Variants in SF3B3 observed in about 807,000 individuals in gnomAD.
The protein encoded by SF3B3 is splicing factor 3b subunit 3.
SF3B3 carries 33 observed loss-of-function variants against 139.2 expected under a neutral mutation model. That is an observed-to-expected ratio of 0.24 (90% CI 0.18 to 0.32). The LOEUF is 0.32. SF3B3 is among the 10% of genes least tolerant of loss of function. The pLI is 1.00. For synonymous variants in SF3B3, 596 were observed against 563.6 expected (o/e 1.06, Z -0.81); for missense variants, 818 against 1,509.4 (o/e 0.54, Z 7.59).
chr16:70,544,329 C>CA (rs1247572364), intron 9 of SF3B3, 109 bp from the exon 10 acceptor site: 1 of 682,900 alleles, frequency 1.5e-6, no homozygotes, highest in Non-Finnish European at 2.6e-6. Flanking sequence ...TATTGATCAG[C>CA]AGATAATTGT....
rs2050094499 is a variant in SF3B3, at chr16:70,529,023, C to T, written c.221C>T (p.Thr74Ile). 1 of 1,614,132 alleles carries T rather than the reference C, an allele frequency of 6.2e-7. No individual in the cohort carries two copies. ...ATGGCCTTTAGGCTGACAGGTGGCA[C>T]CAAAGACTACATTGTAGTTGGCAGT... ...SLMAFRLTGGTKDYIVVGSDS... is the reference protein window; with the variant it reads ...SLMAFRLTGGIKDYIVVGSDS... Residue 74 changes from threonine (T) to isoleucine (I), a missense_variant, in exon 3 of 26, where the codon ACC becomes ATC. Thr to Ile is a moderately conservative substitution (Grantham distance 89). Coordinates refer to ENST00000302516, the MANE Select transcript of SF3B3 (RefSeq NM_012426.5).
In SF3B3 at chr16:70,575,631, G is replaced by C. The variant is rs900755246; in HGVS notation, c.*3818G>C. On this transcript the variant is annotated 3_prime_UTR_variant, in exon 26 of 26. Coordinates refer to ENST00000302516, the MANE Select transcript of SF3B3 (RefSeq NM_012426.5). ...CAGCTCTGTTCTGCACCCAGAGGTT[G>C]GAGGAGAGTTTATAACCAGGCAGTC... is the stretch of plus-strand genomic sequence containing the variant. The C allele has an allele frequency of 6.6e-6, 1 of 152,264 alleles. No individual in the cohort carries two copies. The highest frequency in any genetic ancestry group is 6.5e-5 in the Admixed American group (1 of 15,272). The allele number at this position is 152,264 out of a possible 1,614,324, so 9.4% of individuals were successfully genotyped here. A position where few individuals can be genotyped will look rare whatever the true frequency, so the allele number is the denominator to read the frequency against.
At chr16:70,554,679 T>C (rs1200255541) in intron 12 of SF3B3, 82 bp downstream of exon 12, 1 of 1,407,578 alleles carries the variant, frequency 7.1e-7, no homozygotes, top group East Asian at 2.3e-5. Context: ...TGTGTTCATG[T>C]CTCTTCACCC....
intron 9 of SF3B3, among the ~76,000 whole-genome samples, 158 bp downstream of exon 9, chr16:70,541,992 C>CT (rs1392501765): frequency 2.0e-5 from 3 of 152,118 alleles, no homozygotes; most frequent in Non-Finnish European, 4.4e-5. Flanking sequence ...AGTCCTCGGG[C>CT]TTTTTTTCCC....
At chr16:70,525,235 C>T (rs529423243) in intron 1 of SF3B3, among the ~76,000 whole-genome samples, 1 of 151,856 alleles carries the variant, frequency 6.6e-6, no homozygotes, top group Admixed American at 6.6e-5. Context: ...ACTGTGTTGG[C>T]CAGGCTGGTC....
At chr16:70,563,849 A>G (rs2151792982) in intron 17 of SF3B3, 27 bp from the exon 18 acceptor site, 1 of 1,612,632 alleles carries the variant, frequency 6.2e-7, no homozygotes, top group Admixed American at 1.7e-5. Flanking sequence ...GTGAGTATTA[A>G]ATAACTGCCT....
At chr16:70,541,985 C>T (rs2050222890) in intron 9 of SF3B3, 151 bp downstream of exon 9, 1 of 648,578 alleles carries the variant, frequency 1.5e-6, no homozygotes, top group South Asian at 2.9e-5. Context: ...ATTAATAAGT[C>T]CTCGGGCTTT....
chr16:70,564,992 G>C, intron 18 of SF3B3, 73 bp from the exon 19 acceptor site: 1 of 1,420,202 alleles, frequency 7.0e-7, no homozygotes, highest in Non-Finnish European at 9.9e-7. Context: ...GAGTGTTCTT[G>C]CTACCTATCC....
At chr16:70,544,568 T>C in intron 10 of SF3B3, 35 bp downstream of exon 10, 2 of 1,211,064 alleles carry the variant, frequency 1.7e-6, no homozygotes, top group Non-Finnish European at 2.5e-6. Context: ...CTGCAGGGTT[T>C]GGAGGGAAGC....
chr16:70,550,037 G>A (rs779674146), intron 11 of SF3B3, among the ~76,000 whole-genome samples: 3 of 152,050 alleles, frequency 2.0e-5, no homozygotes, highest in Admixed American at 1.3e-4. Flanking sequence ...CTAGGTAATG[G>A]GGACAGAATA....
At chr16:70,525,061 TCGCTGTCGC>T (rs2050043205) in intron 1 of SF3B3, 1 of 136,498 alleles carries the variant, frequency 7.3e-6, no homozygotes, top group Non-Finnish European at 1.7e-5. Context: ...AGACGAAGTC[TCGCTGTCGC>T]CCAGGCTGGA....
At chr16:70,565,006 TCTCAGCCAGCCC>T (rs2050462427) in intron 18 of SF3B3, 47 bp from the exon 19 acceptor site, 2 of 1,542,108 alleles carry the variant, frequency 1.3e-6, no homozygotes, top group African/African-American at 2.7e-5. Flanking sequence ...CCTATCCTCT[TCTCAGCCAGCCC>T]CTACCTCTGA....
Position 70,538,346 on chromosome 16 carries a change from A to G in SF3B3, c.849A>G (p.Arg283=), listed in dbSNP as rs750188723. 5 of 1,614,044 alleles carry G rather than the reference A, an allele frequency of 3.1e-6. No homozygotes were observed. Among genetic ancestry groups the G allele is most frequent in the Non-Finnish European group, 4.2e-6 (5 of 1,179,912 alleles). The change falls in exon 7 of 26, where the codon AGA becomes AGG. Residue 283 remains arginine, a synonymous_variant. Coordinates refer to ENST00000302516, the MANE Select transcript of SF3B3 (RefSeq NM_012426.5). The stretch of plus-strand genomic sequence containing the variant: ...AGAATGACCTGGATGACCCTGAAAG[A>G]GGAATGATTTTTGTCTGCTCTGCAA... ...RRRNDLDDPE[R]GMIFVCSATH...
At chr16:70,555,839 C>A (rs1295445594) in intron 13 of SF3B3, among the ~76,000 whole-genome samples, 1 of 152,182 alleles carries the variant, frequency 6.6e-6, no homozygotes, top group Non-Finnish European at 1.5e-5. Flanking sequence ...ATTCCCTTCA[C>A]CCAGAATATT....
At chr16:70,564,089 T>G in intron 18 of SF3B3, 39 bp downstream of exon 18, 1 of 1,591,916 alleles carries the variant, frequency 6.3e-7, no homozygotes, top group Non-Finnish European at 8.6e-7. Context: ...TTAAAAGATG[T>G]GTGAAATTAT....
chr16:70,563,862 CT>C lies in SF3B3; in HGVS notation c.2289-8del. 1 of 1,613,384 alleles carries C rather than the reference CT, an allele frequency of 6.2e-7. No individual in the cohort carries two copies. The highest frequency in any genetic ancestry group is 8.5e-7 in the Non-Finnish European group (1 of 1,179,640). On this transcript the variant is annotated splice_polypyrimidine_tract_variant and intron_variant, in intron 17 of 25. Transcript: ENST00000302516. ...GAGTGAGTATTAAATAACTGCCTTG[CT>C]TTTTTGTCATAGGATTTTGGCATTA...
chr16:70,538,070 GT>G (rs1274744631), intron 6 of SF3B3: 2 of 659,392 alleles, frequency 3.0e-6, no homozygotes, highest in Non-Finnish European at 2.8e-6. Context: ...TCTGGACACA[GT>G]TTTTGCCTTA....
chr16:70,543,039 TA>T (rs2050234626), intron 9 of SF3B3, among the ~76,000 whole-genome samples: 2 of 152,162 alleles, frequency 1.3e-5, no homozygotes, highest in African/African-American at 4.8e-5. Context: ...GACTAATTTC[TA>T]ATTTGATTTT....
chr16:70,538,282 A>AGT (rs2050187425), intron 6 of SF3B3, 41 bp from the exon 7 acceptor site: 1 of 1,582,574 alleles, frequency 6.3e-7, no homozygotes, highest in African/African-American at 1.3e-5. Flanking sequence ...ACTAAGAAGT[A>AGT]CCCATTTCTA....
Sources: gnomAD v4.1 joint callset for allele counts (sites outside exome capture counted in the v4.1 genomes callset) on GRCh38, gnomAD v4.1.1 for gene constraint, MANE v1.5 for transcripts, NCBI Gene and HGNC (gene_info 2026-07-23, HGNC 2026-07-21) for gene names.